Variants in RBFOX1 observed in about 807,000 individuals in gnomAD.
RBFOX1 encodes RNA binding protein fox-1 homolog 1.
Under a neutral mutation model 57.7 loss-of-function variants are expected in RBFOX1, and 8 were observed. That is an observed-to-expected ratio of 0.14 (90% CI 0.08 to 0.25). The LOEUF is 0.25. Among genes scored for constraint, RBFOX1 ranks in the 10% least tolerant of loss-of-function variants. The pLI is 1.00. For synonymous variants in RBFOX1, 326 were observed against 222.4 expected (o/e 1.47, Z -4.15); for missense variants, 611 against 548.5 (o/e 1.11, Z -1.14).
intron 1 of RBFOX1, among the ~76,000 whole-genome samples, chr16:6,291,645 G>A (rs964567519): frequency 6.6e-6 from 1 of 152,114 alleles, no homozygotes; most frequent in Non-Finnish European, 1.5e-5. Flanking sequence ...GGCATCCTTT[G>A]CCGTATTGTC....
intron 4 of RBFOX1, among the ~76,000 whole-genome samples, chr16:7,207,642 C>G (rs1199231095): frequency 1.3e-5 from 2 of 152,154 alleles, no homozygotes; most frequent in Non-Finnish European, 2.9e-5. Flanking sequence ...TCTCTGCAAC[C>G]TAAAGAAGGA....
At chr16:6,451,475 C>T (rs565673877) in intron 2 of RBFOX1, among the ~76,000 whole-genome samples, 4 of 152,106 alleles carry the variant, frequency 2.6e-5, no homozygotes, top group Admixed American at 6.5e-5. Context: ...GAGACTCACT[C>T]GGGCCAAAAT....
At chr16:7,006,829 C>T (rs1031034961) in intron 3 of RBFOX1, among the ~76,000 whole-genome samples, 1 of 152,186 alleles carries the variant, frequency 6.6e-6, no homozygotes, top group Admixed American at 6.5e-5. Flanking sequence ...GAACCCTCAG[C>T]TCCCAAGCAG....
At position 6,544,561 on chromosome 16, in the gene RBFOX1, C is replaced by T. The variant is rs577644265; in HGVS notation, c.-63-110042C>T. ...TATATGCAACTCTTGGTATTGTTTT[C>T]TCTTAGCATTCGATCGTATTGATTC... is the stretch of plus-strand genomic sequence containing the variant. On this transcript the variant is annotated intron_variant, in intron 2 of 15. Coordinates refer to ENST00000550418, the MANE Select transcript of RBFOX1 (RefSeq NM_018723.4). Among the ~76,000 whole-genome samples, 166 of 152,254 alleles carry T rather than the reference C, an allele frequency of 1.1e-3. 1 individual carries two copies. Among genetic ancestry groups the T allele is most frequent in the Middle Eastern group, 6.8e-3 (2 of 294 alleles).
intron 1 of RBFOX1, among the ~76,000 whole-genome samples, chr16:5,245,830 A>C (rs1333396005): frequency 6.6e-6 from 1 of 152,264 alleles, no homozygotes; most frequent in African/African-American, 2.4e-5. Flanking sequence ...AATCCAATCA[A>C]ATGTCAATTA....
intron 4 of RBFOX1, among the ~76,000 whole-genome samples, chr16:7,235,718 C>T (rs2093733692): frequency 6.6e-6 from 1 of 152,086 alleles, no homozygotes; most frequent in African/African-American, 2.4e-5. Context: ...TCTCTTTTTT[C>T]CTGCCTTGCA....
intron 4 of RBFOX1, among the ~76,000 whole-genome samples, chr16:7,146,832 C>T (rs986124921): frequency 1.3e-5 from 2 of 149,888 alleles, no homozygotes; most frequent in Admixed American, 6.7e-5. Flanking sequence ...TGCCTGTAGT[C>T]CCAGCTACTT....
chr16:6,657,983 A>G (rs8050004), intron 3 of RBFOX1, among the ~76,000 whole-genome samples: 3,326 of 152,168 alleles, frequency 0.022, 125 homozygotes, highest in African/African-American at 0.076. Flanking sequence ...GATATTCCAC[A>G]TATATGGATA....
At chr16:7,252,869 A>T (rs892988440) in intron 4 of RBFOX1, among the ~76,000 whole-genome samples, 9 of 152,110 alleles carry the variant, frequency 5.9e-5, no homozygotes, top group South Asian at 2.1e-4. Context: ...TCCCTAACTC[A>T]TATGACCTAC....
At chr16:7,091,585 C>G (rs2060866341) in intron 4 of RBFOX1, among the ~76,000 whole-genome samples, 1 of 151,990 alleles carries the variant, frequency 6.6e-6, no homozygotes, top group Non-Finnish European at 1.5e-5. Context: ...CCTGAGAGTC[C>G]TCTACCTCCC....
At chr16:7,603,740 G>T (rs1379985817) in intron 9 of RBFOX1, among the ~76,000 whole-genome samples, 1 of 152,144 alleles carries the variant, frequency 6.6e-6, no homozygotes, top group East Asian at 1.9e-4. Context: ...AGGGAAAAAG[G>T]GAAGTGGTAC....
chr16:6,392,707 G>A (rs558656401), intron 2 of RBFOX1, among the ~76,000 whole-genome samples: 2 of 152,190 alleles, frequency 1.3e-5, no homozygotes, highest in African/African-American at 4.8e-5. Context: ...ATATCTGGGG[G>A]CACTCCAGAT....
At chr16:5,954,466 A>G (rs555016543) in intron 4 of RBFOX1, among the ~76,000 whole-genome samples, 36 of 151,978 alleles carry the variant, frequency 2.4e-4, no homozygotes, top group Admixed American at 1.1e-3. Context: ...AAACAGGGAG[A>G]TTTTTCATCC....
chr16:7,312,515 G>C (rs758847038), intron 4 of RBFOX1, among the ~76,000 whole-genome samples: 2 of 152,168 alleles, frequency 1.3e-5, no homozygotes, highest in Non-Finnish European at 2.9e-5. Flanking sequence ...CCCATGGCCT[G>C]CCAAGGACAC....
At position 6,879,677 on chromosome 16, in the gene RBFOX1, G is replaced by C. The variant is rs572892558; in HGVS notation, c.-15-172380G>C. The stretch of plus-strand genomic sequence containing the variant: ...CAGTTGTGTTATTTCAGTTAACTAT[G>C]TTGTACGTCTCTGTTTAATTGTAAT... On this transcript the variant is annotated intron_variant, in intron 3 of 15. Transcript: ENST00000550418. 3.7e-4 allele frequency among the ~76,000 whole-genome samples: 56 copies of C among 152,282 alleles called. 1 individual carries two copies. The highest frequency in any genetic ancestry group is 1.3e-3 in the African/African-American group (55 of 41,558).
chr16:7,648,138 G>C (rs1337443885), intron 11 of RBFOX1, among the ~76,000 whole-genome samples: 1 of 152,158 alleles, frequency 6.6e-6, no homozygotes, highest in Admixed American at 6.5e-5. Context: ...TGTGTATTTT[G>C]CCCTTGAAAT....
chr16:5,511,174 A>G (rs953442096), intron 2 of RBFOX1, among the ~76,000 whole-genome samples: 6 of 152,218 alleles, frequency 3.9e-5, no homozygotes, highest in Admixed American at 1.3e-4. Context: ...AGTTCTGTGC[A>G]AGAACAGACT....
intron 3 of RBFOX1, among the ~76,000 whole-genome samples, chr16:7,020,136 C>T (rs1194739739): frequency 2.0e-5 from 3 of 152,130 alleles, no homozygotes; most frequent in South Asian, 2.1e-4. Flanking sequence ...AGGCCAGGTG[C>T]GGCGTACCCG....
At chr16:6,267,588 A>C (rs1408944149) in intron 1 of RBFOX1, among the ~76,000 whole-genome samples, 2 of 152,186 alleles carry the variant, frequency 1.3e-5, no homozygotes, top group Non-Finnish European at 2.9e-5. Flanking sequence ...TTTTTTTACC[A>C]TAAGTTTTTC....
Sources: allele counts gnomAD v4.1 joint callset (sites outside exome capture counted in the v4.1 genomes callset), GRCh38; gene constraint gnomAD v4.1.1; transcripts MANE v1.5; gene names NCBI Gene and HGNC (gene_info 2026-07-23, HGNC 2026-07-21).